COPG1: variants seen among roughly 807,000 people sequenced by gnomAD.
COPG1 encodes coatomer subunit gamma-1.
COPG1 carries 29 observed loss-of-function variants against 102.8 expected under a neutral mutation model. The ratio of observed to expected loss-of-function variants is 0.28; its 90% CI spans 0.21 to 0.38. The LOEUF (loss-of-function observed/expected upper bound fraction) is 0.38. Ranked by LOEUF, COPG1 falls within the 10% of genes least tolerant of loss-of-function variation. COPG1 has a pLI of 1.00. For synonymous variants in COPG1, 406 were observed against 421.6 expected, an observed-to-expected ratio of 0.96 and a Z score of 0.45; for missense variants, 875 against 1,132.7, an observed-to-expected ratio of 0.77 and a Z score of 3.27.
intron 12 of COPG1, among the ~76,000 whole-genome samples, chr3:129,263,037 AGTCCTTCTG>A (rs67174907): frequency 0.019 from 2,483 of 130,652 alleles, 118 homozygotes; most frequent in African/African-American, 0.068. Flanking sequence ...AAAAAAAAAG[AGTCCTTCTG>A]GAGCAGAGTG....
intron 12 of COPG1, 58 bp downstream of exon 12, chr3:129,260,865 C>G (rs1939913083): frequency 6.4e-7 from 1 of 1,557,746 alleles, no homozygotes; most frequent in Non-Finnish European, 8.8e-7. Flanking sequence ...TGTCCCTGCT[C>G]TCTGTGGCCA....
chr3:129,277,288 T>C lies in COPG1; in HGVS notation c.2495-6T>C. On this transcript the variant is annotated splice_region_variant and splice_polypyrimidine_tract_variant and intron_variant, in intron 23 of 23. Transcript: ENST00000314797. ...TATATATCTGTACTTCTCTCTTCCC[T>C]TCTAGGTGTGTTCCGGGGTGGTCAT... 1 of 1,613,712 alleles carries C rather than the reference T, an allele frequency of 6.2e-7. No individual in the cohort carries two copies. Among genetic ancestry groups the C allele is most frequent in the East Asian group, 2.2e-5 (1 of 44,866 alleles).
intron 8 of COPG1, 126 bp from the exon 9 acceptor site, chr3:129,257,344 T>A: frequency 1.0e-6 from 1 of 966,600 alleles, no homozygotes; most frequent in Non-Finnish European, 1.6e-6. Flanking sequence ...TCACAGCCAC[T>A]CTGTGTGGTA....
Position 129,271,966 on chromosome 3 carries a change from T to A in COPG1, c.1986+57T>A. 6.3e-7 allele frequency: 1 copy of A among 1,583,764 alleles called. No homozygotes were observed. The highest frequency in any genetic ancestry group is 1.7e-5 in the Admixed American group (1 of 57,400). ...CATGCGCCCAGGGAGTTGTCCCAGG[T>A]CTGGCAGGTCCTGTAGGGTCATGGG... is the stretch of plus-strand genomic sequence containing the variant. On this transcript the variant is annotated intron_variant, in intron 19 of 23. Coordinates refer to ENST00000314797, the MANE Select transcript of COPG1 (RefSeq NM_016128.4). This position sits in a 1 kb window ranked among gnomAD's most constrained non-coding sequence, Gnocchi z 4.7.
intron 12 of COPG1, among the ~76,000 whole-genome samples, chr3:129,261,030 A>G (rs1017031543): frequency 2.0e-5 from 3 of 152,206 alleles, no homozygotes; most frequent in African/African-American, 7.2e-5. Flanking sequence ...CTGAAAGAAC[A>G]GTAGTTTCCA....
At chr3:129,259,481 G>T (rs113397679) in intron 10 of COPG1, among the ~76,000 whole-genome samples, 9 of 114,542 alleles carry the variant, frequency 7.9e-5, no homozygotes, top group African/African-American at 5.4e-4. Context: ...AAAAAAAAAA[G>T]AAATGGAAAA....
chr3:129,249,877 G>A, intron 1 of COPG1, 131 bp downstream of exon 1: 2 of 907,366 alleles, frequency 2.2e-6, no homozygotes, highest in Non-Finnish European at 3.3e-6. Context: ...TCCACAGCTA[G>A]TCAGTGGCAG....
intron 21 of COPG1, chr3:129,274,183 G>GAA: frequency 1.0e-5 from 4 of 388,422 alleles, no homozygotes; most frequent in South Asian, 3.7e-5. Flanking sequence ...ATCCAGAGAT[G>GAA]AAGAAAAAAA....
In COPG1 at chr3:129,264,500, C is replaced by T. The variant is rs1308146079; in HGVS notation, c.1224+501C>T. 3.7e-4 allele frequency among the ~76,000 whole-genome samples: 56 copies of T among 152,286 alleles called. 1 individual carries two copies. Among genetic ancestry groups the T allele is most frequent in the Admixed American group, 3.7e-3 (56 of 15,298 alleles). ...GATTTGTTCCTCAGATACATGGTAC[C>T]CCTTTCACCCAGCCCCAGAGTGGCC... On this transcript the variant is annotated intron_variant, in intron 13 of 23. Coordinates refer to ENST00000314797, the MANE Select transcript of COPG1 (RefSeq NM_016128.4).
chr3:129,253,585 G>A (rs1363800443), intron 5 of COPG1, among the ~76,000 whole-genome samples: 1 of 152,180 alleles, frequency 6.6e-6, no homozygotes, highest in South Asian at 2.1e-4. Flanking sequence ...TATCACGGAA[G>A]TATTATGGGC....
In COPG1 at chr3:129,275,031, A is replaced by T. The variant is rs1438373870; in HGVS notation, c.2395+55A>T. 2.5e-6 allele frequency: 4 copies of T among 1,590,708 alleles called. No individual in the cohort carries two copies. The East Asian group carries it at 6.7e-5, about 27-fold the overall frequency. On this transcript the variant is annotated intron_variant, in intron 22 of 23. Coordinates refer to ENST00000314797, the MANE Select transcript of COPG1 (RefSeq NM_016128.4). This position sits in a 1 kb window ranked among gnomAD's most constrained non-coding sequence, Gnocchi z 5.0. ...TAATTACTGTTCAAGATCTTTGGCTACTATTGAAGTGCTCATCCCTTTTCT... is the reference window on the plus strand; with the variant it reads ...TAATTACTGTTCAAGATCTTTGGCTTCTATTGAAGTGCTCATCCCTTTTCT...
intron 1 of COPG1, among the ~76,000 whole-genome samples, 197 bp downstream of exon 1, chr3:129,249,943 A>G (rs1939657321): frequency 1.3e-5 from 2 of 149,446 alleles, no homozygotes; most frequent in African/African-American, 2.5e-5. Context: ...TCGGACTGCA[A>G]TTTTCTGGGT....
At chr3:129,277,182 C>A in intron 23 of COPG1, 112 bp from the exon 24 acceptor site, 3 of 1,084,508 alleles carry the variant, frequency 2.8e-6, no homozygotes, top group Middle Eastern at 3.0e-4. Context: ...AGCTCTCCTG[C>A]CCGTTTCACT....
chr3:129,264,911 T>C (rs995067144), intron 13 of COPG1, among the ~76,000 whole-genome samples: 7 of 151,534 alleles, frequency 4.6e-5, no homozygotes, highest in Non-Finnish European at 8.8e-5. Flanking sequence ...AACCTCCACC[T>C]CCTGGGTTCA....
chr3:129,255,381 C>G (rs1218094229), intron 7 of COPG1, among the ~76,000 whole-genome samples: 2 of 151,882 alleles, frequency 1.3e-5, no homozygotes, highest in East Asian at 3.9e-4. Flanking sequence ...GTTTCATCAT[C>G]TTGGCCAGGC....
chr3:129,251,021 T>G (rs1939684255), intron 2 of COPG1: 1 of 305,620 alleles, frequency 3.3e-6, no homozygotes, highest in Non-Finnish European at 6.3e-6. Flanking sequence ...CCTTCCAGGT[T>G]CACGCCATTC....
chr3:129,264,150 G>A (rs749230447), intron 13 of COPG1, 151 bp downstream of exon 13: 66 of 680,704 alleles, frequency 9.7e-5, no homozygotes, highest in Non-Finnish European at 1.7e-4. Context: ...AACTCCTTGT[G>A]GACATGTAAA....
intron 7 of COPG1, 57 bp downstream of exon 7, chr3:129,255,134 T>A: frequency 8.8e-7 from 1 of 1,142,572 alleles, no homozygotes; most frequent in Non-Finnish European, 1.3e-6. Context: ...GAAGAAAATT[T>A]AAGAGTCACA....
Position 129,277,684 on chromosome 3 carries a change from G to A in COPG1, c.*260G>A, listed in dbSNP as rs1940306990. ...TCCACCCTTCCAGGAAAGGGACATT[G>A]TAAATGAATAAAACATTCTCAACTC... On this transcript the variant is annotated 3_prime_UTR_variant, in exon 24 of 24. Coordinates refer to ENST00000314797, the MANE Select transcript of COPG1 (RefSeq NM_016128.4). The A allele has an allele frequency of 5.4e-6, 2 of 370,414 alleles. No individual in the cohort carries two copies. The highest frequency in any genetic ancestry group is 1.1e-4 in the East Asian group (2 of 19,042). 22.9% of individuals were successfully genotyped at this position (370,414 alleles called of 1,614,324 possible).
Sources: gnomAD v4.1 joint callset for allele counts (sites outside exome capture counted in the v4.1 genomes callset) on GRCh38, gnomAD v4.1.1 for gene constraint, Gnocchi (gnomAD v3.1) non-coding constraint, MANE v1.5 for transcripts, NCBI Gene and HGNC (gene_info 2026-07-23, HGNC 2026-07-21) for gene names.